Variants in SH3GL2 observed in about 807,000 individuals in gnomAD.
SH3GL2 encodes the protein SH3 domain containing GRB2 like 2, endophilin A1, also known as endophilin-A1.
A neutral mutation model predicts 46.0 loss-of-function variants in SH3GL2; 24 were observed. The ratio of observed to expected loss-of-function variants is 0.52; its 90% CI spans 0.38 to 0.73. The LOEUF is 0.73. Among genes scored for constraint, SH3GL2 ranks in the 30% least tolerant of loss-of-function variants. SH3GL2 has a pLI of 0.00. For synonymous variants in SH3GL2, 196 were observed against 147.1 expected (o/e 1.33, Z -2.40); for missense variants, 413 against 424.2 (o/e 0.97, Z 0.23).
intron 1 of SH3GL2, among the ~76,000 whole-genome samples, chr9:17,587,737 G>T (rs2134541877): frequency 6.6e-6 from 1 of 152,184 alleles, no homozygotes; most frequent in East Asian, 1.9e-4. Flanking sequence ...AATTAGCCAG[G>T]CATGGTGGCC....
At chr9:17,751,822 G>C (rs1822856354) in intron 2 of SH3GL2, among the ~76,000 whole-genome samples, 1 of 152,100 alleles carries the variant, frequency 6.6e-6, no homozygotes, top group Non-Finnish European at 1.5e-5. Context: ...TGATGGGAAA[G>C]GAGGAGGCGT....
intron 1 of SH3GL2, among the ~76,000 whole-genome samples, chr9:17,738,630 A>ATG (rs1822426793): frequency 1.2e-5 from 1 of 84,708 alleles, no homozygotes; most frequent in African/African-American, 3.4e-5. Flanking sequence ...GTGATTTTAT[A>ATG]TATATATATA....
Position 17,789,641 on chromosome 9 carries a change from C to T in SH3GL2, c.624+91C>T, listed in dbSNP as rs774943066. On this transcript the variant is annotated intron_variant, in intron 6 of 8. Coordinates refer to ENST00000380607, the MANE Select transcript of SH3GL2 (RefSeq NM_003026.5). ...CCATAACCCTTAAAAGCATTAATAT[C>T]TGATTACACTATGTGATAAGAACTT... 4.5e-6 allele frequency: 7 copies of T among 1,557,150 alleles called. No homozygotes were observed. In the South Asian group the frequency reaches 4.6e-5, roughly 10 times the overall value.
intron 1 of SH3GL2, among the ~76,000 whole-genome samples, chr9:17,734,931 C>T (rs2118447548): frequency 6.6e-6 from 1 of 152,182 alleles, no homozygotes; most frequent in South Asian, 2.1e-4. Flanking sequence ...GGATTGTGTA[C>T]TTTAAACGGG....
intron 1 of SH3GL2, among the ~76,000 whole-genome samples, chr9:17,627,146 G>C (rs1296470946): frequency 1.3e-5 from 2 of 152,158 alleles, no homozygotes; most frequent in Non-Finnish European, 2.9e-5. Flanking sequence ...TCCAAAGCCA[G>C]AGTTTTTTCA....
chr9:17,773,392 G>A (rs1823548102), intron 3 of SH3GL2, among the ~76,000 whole-genome samples: 1 of 152,114 alleles, frequency 6.6e-6, no homozygotes, highest in South Asian at 2.1e-4. Context: ...GCCACATCCA[G>A]TGTCATGAAG....
chr9:17,641,008 G>A (rs958390367), intron 1 of SH3GL2, among the ~76,000 whole-genome samples: 4 of 152,196 alleles, frequency 2.6e-5, no homozygotes, highest in Admixed American at 6.5e-5. Context: ...CTGAATTTAG[G>A]TATGTAATTG....
At chr9:17,766,274 AC>A (rs1823315641) in intron 3 of SH3GL2, among the ~76,000 whole-genome samples, 1 of 152,240 alleles carries the variant, frequency 6.6e-6, no homozygotes, top group African/African-American at 2.4e-5. Flanking sequence ...AGAACGCAGG[AC>A]AGACAGCTGT....
At chr9:17,789,287 A>AG in intron 5 of SH3GL2, 105 bp from the exon 6 acceptor site, 1 of 874,670 alleles carries the variant, frequency 1.1e-6, no homozygotes, top group Non-Finnish European at 1.8e-6. Context: ...TTTAAAACTT[A>AG]GCCTATCTTA....
intron 1 of SH3GL2, among the ~76,000 whole-genome samples, chr9:17,637,293 G>C (rs188997421): frequency 6.6e-6 from 1 of 152,296 alleles, no homozygotes; most frequent in East Asian, 1.9e-4. Context: ...AATGGAAATG[G>C]TTGGAATATG....
chr9:17,637,114 AG>A (rs2134635544), intron 1 of SH3GL2, among the ~76,000 whole-genome samples: 1 of 152,308 alleles, frequency 6.6e-6, no homozygotes, highest in African/African-American at 2.4e-5. Context: ...TGTTGAGTGG[AG>A]TTTGCAGTAA....
intron 1 of SH3GL2, among the ~76,000 whole-genome samples, chr9:17,692,107 A>G (rs1228587530): frequency 6.6e-6 from 1 of 152,132 alleles, no homozygotes; most frequent in Non-Finnish European, 1.5e-5. Context: ...CCAAACAAGT[A>G]TATATTAATA....
chr9:17,696,535 G>A (rs1220837293), intron 1 of SH3GL2, among the ~76,000 whole-genome samples: 2 of 152,126 alleles, frequency 1.3e-5, no homozygotes, highest in Non-Finnish European at 2.9e-5. Context: ...TACAGGCCTG[G>A]CAAAAGGTGA....
intron 3 of SH3GL2, among the ~76,000 whole-genome samples, chr9:17,785,507 G>A (rs1201140729): frequency 6.6e-6 from 1 of 152,152 alleles, no homozygotes; most frequent in Non-Finnish European, 1.5e-5. Flanking sequence ...ACCTTAAGCT[G>A]TGATTCTATC....
intron 1 of SH3GL2, among the ~76,000 whole-genome samples, chr9:17,692,444 G>A (rs562381107): frequency 2.0e-5 from 3 of 152,068 alleles, no homozygotes; most frequent in Admixed American, 6.5e-5. Flanking sequence ...TCAAGAGTTC[G>A]AGACCAGCCT....
chr9:17,714,392 C>A (rs1821701730), intron 1 of SH3GL2, among the ~76,000 whole-genome samples: 2 of 151,640 alleles, frequency 1.3e-5, no homozygotes, highest in South Asian at 4.2e-4. Flanking sequence ...TTAAACCAGT[C>A]ATCTTGTTAT....
At chr9:17,603,208 G>A (rs541717653) in intron 1 of SH3GL2, among the ~76,000 whole-genome samples, 7 of 152,278 alleles carry the variant, frequency 4.6e-5, no homozygotes, top group Admixed American at 3.3e-4. Flanking sequence ...TTATTAAAAA[G>A]CCAGCATTAT....
intron 1 of SH3GL2, among the ~76,000 whole-genome samples, chr9:17,636,100 T>A (rs1819536953): frequency 1.3e-5 from 2 of 152,118 alleles, no homozygotes; most frequent in Non-Finnish European, 2.9e-5. Flanking sequence ...GATGTTGGGG[T>A]TTCTCAGTCT....
At chr9:17,745,880 C>G (rs965826815) in intron 1 of SH3GL2, among the ~76,000 whole-genome samples, 1 of 151,988 alleles carries the variant, frequency 6.6e-6, no homozygotes, top group African/African-American at 2.4e-5. Context: ...TATCTGTGTG[C>G]GATAACTTTA....
Sources: gnomAD v4.1 joint callset for allele counts (sites outside exome capture counted in the v4.1 genomes callset) on GRCh38, gnomAD v4.1.1 for gene constraint, MANE v1.5 for transcripts, NCBI Gene and HGNC (gene_info 2026-07-23, HGNC 2026-07-21) for gene names.